FRMD5: variants seen among roughly 807,000 people sequenced by gnomAD.
The protein encoded by FRMD5 is FERM domain containing 5, also known as FERM domain-containing protein 5.
Under a neutral mutation model 69.0 loss-of-function variants are expected in FRMD5, and 20 were observed. The ratio of observed to expected loss-of-function variants is 0.29; its 90% confidence interval spans 0.20 to 0.42. FRMD5 has a LOEUF of 0.42. FRMD5 is among the 10% of genes least tolerant of loss of function. The probability of loss-of-function intolerance (pLI) is 1.00; values close to 1 mark genes in which losing one functional copy is unlikely to be tolerated. For missense variants in FRMD5, 595 were observed against 708.6 expected, an observed-to-expected ratio of 0.84 and a Z score of 1.82; for synonymous variants, 271 against 260.1, an observed-to-expected ratio of 1.04 and a Z score of -0.40.
At chr15:44,013,590 A>T (rs1890822086) in intron 1 of FRMD5, among the ~76,000 whole-genome samples, 1 of 152,208 alleles carries the variant, frequency 6.6e-6, no homozygotes, top group Admixed American at 6.5e-5. Flanking sequence ...AAGTAATACA[A>T]ACTATTAATA....
intron 1 of FRMD5, among the ~76,000 whole-genome samples, chr15:43,998,125 C>T (rs1001872525): frequency 2.6e-5 from 4 of 152,112 alleles, no homozygotes; most frequent in African/African-American, 9.7e-5. Flanking sequence ...AGGGATATAA[C>T]GATCATAGCT....
intron 2 of FRMD5, among the ~76,000 whole-genome samples, chr15:43,921,066 T>C (rs2089485254): frequency 6.6e-6 from 1 of 152,210 alleles, no homozygotes; most frequent in Non-Finnish European, 1.5e-5. Flanking sequence ...TGGCAACTCA[T>C]TATAGCCACT....
intron 1 of FRMD5, among the ~76,000 whole-genome samples, chr15:44,052,776 G>A (rs1892722096): frequency 6.6e-6 from 1 of 152,230 alleles, no homozygotes; most frequent in African/African-American, 2.4e-5. Context: ...TAGAATCATA[G>A]AATGTTAGAG....
intron 13 of FRMD5, among the ~76,000 whole-genome samples, chr15:43,878,683 G>A (rs879741279): frequency 6.6e-6 from 1 of 152,086 alleles, no homozygotes; most frequent in East Asian, 1.9e-4. Context: ...TGCATAGGGC[G>A]CCTGCCACCC....
intron 1 of FRMD5, among the ~76,000 whole-genome samples, chr15:44,175,551 T>G (rs907526283): frequency 6.6e-6 from 1 of 152,066 alleles, no homozygotes; most frequent in African/African-American, 2.4e-5. Context: ...GGAAAACAGT[T>G]TGGCAGTTTC....
intron 1 of FRMD5, among the ~76,000 whole-genome samples, chr15:44,046,313 C>A (rs1303177906): frequency 6.6e-6 from 1 of 152,080 alleles, no homozygotes. Flanking sequence ...TACAAATGTG[C>A]TAATACCTCA....
At chr15:44,061,055 G>A (rs1322413198) in intron 1 of FRMD5, among the ~76,000 whole-genome samples, 1 of 152,116 alleles carries the variant, frequency 6.6e-6, no homozygotes, top group Non-Finnish European at 1.5e-5. Flanking sequence ...TGTACTTGCT[G>A]CTGCTTTTGA....
intron 1 of FRMD5, among the ~76,000 whole-genome samples, chr15:43,982,929 C>G (rs549222589): frequency 6.8e-4 from 95 of 139,598 alleles, no homozygotes; most frequent in African/African-American, 2.3e-3. Context: ...CCCCAGGTAT[C>G]TTTTTTCCAA....
chr15:43,980,335 G>A (rs969699657), intron 1 of FRMD5, among the ~76,000 whole-genome samples: 1 of 152,206 alleles, frequency 6.6e-6, no homozygotes, highest in Non-Finnish European at 1.5e-5. Flanking sequence ...CTGGTGGGGT[G>A]TGGGGAGATA....
intron 7 of FRMD5, among the ~76,000 whole-genome samples, chr15:43,893,630 G>C (rs529190534): frequency 5.9e-5 from 9 of 152,328 alleles, no homozygotes; most frequent in African/African-American, 2.2e-4. Flanking sequence ...CTGCAGGAGA[G>C]TCTTCTGGGC....
At chr15:44,155,064 C>A (rs1272692999) in intron 1 of FRMD5, among the ~76,000 whole-genome samples, 1 of 152,182 alleles carries the variant, frequency 6.6e-6, no homozygotes, top group Non-Finnish European at 1.5e-5. Flanking sequence ...CATCATACAT[C>A]TATCAGCTAA....
Position 43,873,779 on chromosome 15 carries a change from G to GGACTT in FRMD5, c.*101_*105dup. The GGACTT allele has an allele frequency of 6.5e-7, 1 of 1,538,934 alleles. No individual in the cohort carries two copies. The highest frequency in any genetic ancestry group is 8.7e-7 in the Non-Finnish European group (1 of 1,145,520). On this transcript the variant is annotated 3_prime_UTR_variant, in exon 14 of 14. Transcript: ENST00000417257. Reference sequence around the variant, plus strand: ...CAGTGGACTTTGAGTCATGAGAGGAGGACTTGGTATATGTGCCGATGGTTC... The same window carrying GGACTT: ...CAGTGGACTTTGAGTCATGAGAGGAGGACTTGACTTGGTATATGTGCCGATGGTTC...
chr15:44,141,940 T>A (rs1247927762), intron 1 of FRMD5, among the ~76,000 whole-genome samples: 3 of 152,168 alleles, frequency 2.0e-5, no homozygotes. Context: ...CTTCTCCAAG[T>A]GTAAGGCCTT....
intron 1 of FRMD5, among the ~76,000 whole-genome samples, chr15:43,945,663 T>C (rs1179483839): frequency 6.6e-6 from 1 of 152,166 alleles, no homozygotes; most frequent in African/African-American, 2.4e-5. Flanking sequence ...ACTGTAAATG[T>C]ACTGAAGTGT....
chr15:43,874,012 A>T lies in FRMD5; in HGVS notation c.1586T>A (p.Ile529Asn). ...CTGGCGGATATCACGGAAAAAGGCA[A>T]TGTCAAGGTCAGACTCGGTAAGGAT... Reference protein sequence around the residue: ...LIILTESDLDIAFFRDIRQTP... With the variant: ...LIILTESDLDNAFFRDIRQTP... The change falls in exon 14 of 14, where the codon ATT (isoleucine) becomes AAT (asparagine). Residue 529 changes from isoleucine to asparagine, a missense_variant. This residue lies in a region of FRMD5 where 245 missense variants were observed against 227.1 expected (regional missense o/e 1.08). Transcript: ENST00000417257. 6.2e-7 allele frequency: 1 copy of T among 1,614,202 alleles called. No individual in the cohort carries two copies. Among genetic ancestry groups the T allele is most frequent in the African/African-American group, 1.3e-5 (1 of 75,064 alleles).
At chr15:44,176,386 T>G (rs1226767244) in intron 1 of FRMD5, among the ~76,000 whole-genome samples, 2 of 152,172 alleles carry the variant, frequency 1.3e-5, no homozygotes, top group African/African-American at 4.8e-5. Context: ...TAACTCAAAG[T>G]TGATCATAGA....
At chr15:43,910,572 CAAAAAAAAAAAAA>C (rs1167867396) in intron 4 of FRMD5, among the ~76,000 whole-genome samples, 17 of 40,354 alleles carry the variant, frequency 4.2e-4, no homozygotes, top group African/African-American at 1.2e-3. Context: ...GACCTTGTCT[CAAAAAAAAAAAAA>C]AAAAAAAAAA....
intron 1 of FRMD5, among the ~76,000 whole-genome samples, chr15:44,073,850 T>C: frequency 6.6e-6 from 1 of 152,160 alleles, no homozygotes; most frequent in South Asian, 2.1e-4. Context: ...CAATAAAACA[T>C]TGGTATGAAC....
intron 1 of FRMD5, among the ~76,000 whole-genome samples, chr15:43,983,112 G>A (rs1324741240): frequency 6.6e-6 from 1 of 152,088 alleles, no homozygotes; most frequent in Non-Finnish European, 1.5e-5. Flanking sequence ...TGTATTTTTA[G>A]TAGAGATAGG....
Sources: gnomAD v4.1 joint callset for allele counts (sites outside exome capture counted in the v4.1 genomes callset) on GRCh38, gnomAD v4.1.1 for gene constraint, gnomAD v4.1.1 regional missense constraint, MANE v1.5 for transcripts, NCBI Gene and HGNC (gene_info 2026-07-23, HGNC 2026-07-21) for gene names.